The following NSUN6 variants were observed in gnomAD, a reference collection of about 807,000 sequenced individuals.
The protein encoded by NSUN6 is NOP2/Sun RNA methyltransferase 6.
NSUN6 carries 64 observed loss-of-function variants against 58.0 expected under a neutral mutation model. The observed-to-expected ratio is 1.10, with a 90% CI of 0.90 to 1.36. The LOEUF is 1.36. Ranked by LOEUF, NSUN6 falls within the 40% of genes most tolerant of loss-of-function variation. The probability of loss-of-function intolerance (pLI) is 0.00; values close to 1 mark genes in which losing one functional copy is unlikely to be tolerated. For synonymous variants in NSUN6, 231 were observed against 193.9 expected (o/e 1.19, Z -1.59); for missense variants, 701 against 550.1 (o/e 1.27, Z -2.74).
chr10:18,643,220 G>C (rs1290134802), intron 2 of NSUN6, among the ~76,000 whole-genome samples: 2 of 151,358 alleles, frequency 1.3e-5, no homozygotes, highest in African/African-American at 2.4e-5. Context: ...TTCCCAGAAA[G>C]GGTTTGTTAA....
chr10:18,605,643 A>G (rs1356548242), intron 6 of NSUN6, among the ~76,000 whole-genome samples: 5 of 152,226 alleles, frequency 3.3e-5, no homozygotes, highest in African/African-American at 4.8e-5. Context: ...ATAGGCTGTC[A>G]AAACAAACAT....
intron 3 of NSUN6, among the ~76,000 whole-genome samples, chr10:18,632,658 C>T (rs1475736547): frequency 1.3e-5 from 2 of 152,176 alleles, no homozygotes. Flanking sequence ...CGAAAAAATG[C>T]TCACCATCAC....
intron 8 of NSUN6, among the ~76,000 whole-genome samples, chr10:18,560,539 ACGGAATGGAATG>A (rs2130864489): frequency 6.7e-6 from 1 of 150,340 alleles, no homozygotes; most frequent in African/African-American, 2.4e-5. Flanking sequence ...GGAATGGAAT[ACGGAATGGAATG>A]CAGTGGTGAA....
chr10:18,615,912 T>G (rs2058392267), intron 4 of NSUN6, among the ~76,000 whole-genome samples: 2 of 152,052 alleles, frequency 1.3e-5, no homozygotes, highest in African/African-American at 4.8e-5. Context: ...AAAACAGAAG[T>G]TCATTGACGT....
At chr10:18,625,680 T>C (rs1308456733) in intron 3 of NSUN6, among the ~76,000 whole-genome samples, 2 of 116,282 alleles carry the variant, frequency 1.7e-5, no homozygotes, top group Admixed American at 1.2e-4. Context: ...GCCACTGCAC[T>C]CCAGCCTGGG....
chr10:18,552,013 G>T, intron 8 of NSUN6, 42 bp from the exon 9 acceptor site: 1 of 1,249,108 alleles, frequency 8.0e-7, no homozygotes, highest in Non-Finnish European at 1.1e-6. Flanking sequence ...CTTCCATATA[G>T]GTTTAAACTA....
upstream of NSUN6, chr10:18,653,429 T>C: frequency 2.3e-6 from 1 of 436,946 alleles, no homozygotes; most frequent in Non-Finnish European, 3.0e-6. Context: ...TGGAGTGCAG[T>C]GGTGCTATCT....
chr10:18,565,116 A>G (rs1032664704), intron 8 of NSUN6, among the ~76,000 whole-genome samples: 35 of 149,302 alleles, frequency 2.3e-4, no homozygotes, highest in Admixed American at 3.4e-4. Flanking sequence ...GTTCCATTCC[A>G]TTCTCCATTC....
At chr10:18,564,355 A>G (rs1288338571) in intron 8 of NSUN6, among the ~76,000 whole-genome samples, 5 of 143,624 alleles carry the variant, frequency 3.5e-5, no homozygotes, top group African/African-American at 5.2e-5. Flanking sequence ...TCCATTCTCC[A>G]TCTGTTACAT....
chr10:18,583,052 A>T (rs1199053372), intron 8 of NSUN6, among the ~76,000 whole-genome samples: 2 of 152,194 alleles, frequency 1.3e-5, no homozygotes, highest in Non-Finnish European at 2.9e-5. Flanking sequence ...CAGTCAAAGA[A>T]AAACCACAGC....
intron 3 of NSUN6, among the ~76,000 whole-genome samples, chr10:18,622,309 A>G (rs1038708907): frequency 2.0e-5 from 3 of 152,184 alleles, no homozygotes; most frequent in Non-Finnish European, 4.4e-5. Flanking sequence ...ATCGCAGAAG[A>G]GGGCACTCAC....
At chr10:18,645,579 C>A (rs545698841) in intron 2 of NSUN6, among the ~76,000 whole-genome samples, 13 of 152,230 alleles carry the variant, frequency 8.5e-5, no homozygotes, top group Admixed American at 5.2e-4. Context: ...ATTTTTATTG[C>A]TGAAGGATTC....
rs1182110648 is a variant in NSUN6, at chr10:18,648,569, G to T, written c.152C>A (p.Ser51Ter). The T allele has an allele frequency of 6.2e-7, 1 of 1,604,470 alleles. No individual in the cohort carries two copies. Among genetic ancestry groups the T allele is most frequent in the African/African-American group, 1.3e-5 (1 of 74,884 alleles). ...TLLKHLSHPP[S>*]FTTVRVNTHL... Reference sequence around the variant, plus strand: ...TGTATTCACTCTGACAGTTGTAAATGATGGAGGATGTGACAGGTGCTTTAA... The same window carrying T: ...TGTATTCACTCTGACAGTTGTAAATTATGGAGGATGTGACAGGTGCTTTAA... The change falls in exon 2 of 11, where the codon TCA (serine) becomes TAA (stop). Residue 51 changes from serine (S) to a stop codon, truncating the protein, a stop_gained. Transcript: ENST00000377304. LOFTEE classifies it high-confidence loss of function.
chr10:18,570,937 C>T (rs1003575072), intron 8 of NSUN6, among the ~76,000 whole-genome samples: 1 of 150,378 alleles, frequency 6.6e-6, no homozygotes, highest in Non-Finnish European at 1.5e-5. Flanking sequence ...CAATTACATT[C>T]TACATTCCAT....
At chr10:18,587,559 G>C (rs1375469581) in intron 7 of NSUN6, among the ~76,000 whole-genome samples, 1 of 152,120 alleles carries the variant, frequency 6.6e-6, no homozygotes, top group Non-Finnish European at 1.5e-5. Context: ...TGCAGAACGT[G>C]AGTGATTTCT....
chr10:18,655,808 TTGA>T (rs1227841932), upstream of NSUN6, among the ~76,000 whole-genome samples: 1 of 152,138 alleles, frequency 6.6e-6, no homozygotes, highest in Non-Finnish European at 1.5e-5. Context: ...ACTACATGTG[TTGA>T]TGATACAAGC....
At chr10:18,551,260 G>C (rs1399326169) in intron 9 of NSUN6, among the ~76,000 whole-genome samples, 1 of 146,920 alleles carries the variant, frequency 6.8e-6, no homozygotes, top group African/African-American at 2.6e-5. Context: ...GTGTGTGTGT[G>C]TGTGTGTGTG....
chr10:18,653,101 T>G, upstream of NSUN6: 5 of 985,096 alleles, frequency 5.1e-6, no homozygotes, highest in Non-Finnish European at 6.0e-6. Context: ...AATTTCATGG[T>G]GACCATAGCA....
At chr10:18,586,180 G>A (rs12772522) in intron 7 of NSUN6, 87 bp from the exon 8 acceptor site, 193,086 of 1,073,366 alleles carry the variant, frequency 0.18, 19,140 homozygotes, top group Admixed American at 0.31. Flanking sequence ...AGAAAAACAT[G>A]AAAAATTATG....
Sources: allele counts gnomAD v4.1 joint callset (sites outside exome capture counted in the v4.1 genomes callset), GRCh38; gene constraint gnomAD v4.1.1; transcripts MANE v1.5; gene names NCBI Gene and HGNC (gene_info 2026-07-23, HGNC 2026-07-21).